The following GUCY1A1 variants were observed in gnomAD, a reference collection of about 807,000 sequenced individuals.
The protein encoded by GUCY1A1 is guanylate cyclase soluble subunit alpha-1.
Under a neutral mutation model 64.5 loss-of-function variants are expected in GUCY1A1, and 48 were observed. The observed-to-expected ratio is 0.74, with a 90% CI of 0.59 to 0.95. GUCY1A1 has a LOEUF of 0.95. Ranked by LOEUF, GUCY1A1 falls within the 40% of genes least tolerant of loss-of-function variation. GUCY1A1 has a pLI of 0.00. For synonymous variants in GUCY1A1, 308 were observed against 303.4 expected (o/e 1.02, Z -0.16); for missense variants, 804 against 825.3 (o/e 0.97, Z 0.32).
At chr4:155,697,268 C>T in intron 3 of GUCY1A1, 146 bp downstream of exon 3, 1 of 651,076 alleles carries the variant, frequency 1.5e-6, no homozygotes, top group Non-Finnish European at 2.7e-6. Flanking sequence ...TAAAAATATT[C>T]TTTTAAAGCA....
intron 2 of GUCY1A1, among the ~76,000 whole-genome samples, chr4:155,693,272 G>A (rs1467522726): frequency 2.0e-5 from 3 of 152,016 alleles, no homozygotes; most frequent in Non-Finnish European, 4.4e-5. Context: ...ATCAACTTTT[G>A]GAATGAGAAG....
rs1353947254 is a variant in GUCY1A1 at position 155,731,597 on chromosome 4, A to T, written c.*1366A>T. The stretch of plus-strand genomic sequence containing the variant: ...TTGAAGTTCTCTGGTGAACTAAAAA[A>T]TCTACATTTTGGTTGGGGATAAAGA... On this transcript the variant is annotated 3_prime_UTR_variant, in exon 10 of 10. Coordinates refer to ENST00000506455, the MANE Select transcript of GUCY1A1 (RefSeq NM_001130682.3). The T allele has an allele frequency of 6.6e-6, 1 of 151,866 alleles. No homozygotes were observed. The highest frequency in any genetic ancestry group is 1.5e-5 in the Non-Finnish European group (1 of 67,854). The allele number at this position is 151,866 out of a possible 1,614,324, so 9.4% of individuals were successfully genotyped here.
At chr4:155,677,961 A>G (rs999011602) in intron 2 of GUCY1A1, among the ~76,000 whole-genome samples, 1 of 152,050 alleles carries the variant, frequency 6.6e-6, no homozygotes, top group East Asian at 1.9e-4. Flanking sequence ...AAGTGGAATT[A>G]CTTCTTATGT....
At chr4:155,683,110 A>C (rs1736039405) in intron 2 of GUCY1A1, among the ~76,000 whole-genome samples, 1 of 152,184 alleles carries the variant, frequency 6.6e-6, no homozygotes, top group Non-Finnish European at 1.5e-5. Flanking sequence ...CAAAGTGCAA[A>C]AGGAGGATAG....
intron 8 of GUCY1A1, among the ~76,000 whole-genome samples, 200 bp downstream of exon 8, chr4:155,717,502 G>A (rs550313147): frequency 6.6e-6 from 1 of 152,128 alleles, no homozygotes; most frequent in Non-Finnish European, 1.5e-5. Flanking sequence ...CAGAATCATT[G>A]AGAGGACAGA....
At chr4:155,672,354 C>CGGTG (rs758713863) in intron 2 of GUCY1A1, among the ~76,000 whole-genome samples, 11 of 152,218 alleles carry the variant, frequency 7.2e-5, no homozygotes, top group South Asian at 2.1e-4. Flanking sequence ...TCCTAGACAC[C>CGGTG]GTCCTTTACG....
In GUCY1A1 at chr4:155,683,925, G is replaced by T; in HGVS notation, c.-112-12831G>T. Among the ~76,000 whole-genome samples the T allele has an allele frequency of 2.0e-5, 3 of 152,260 alleles. No homozygotes were observed. In the East Asian group the frequency reaches 5.8e-4, roughly 29 times the overall value. ...CTTCTCAGCATTTTCAGTAGAGGAG[G>T]TCATCAGGGTATATTGGGTGAACTC... On this transcript the variant is annotated intron_variant, in intron 2 of 9. Coordinates refer to ENST00000506455, the MANE Select transcript of GUCY1A1 (RefSeq NM_001130682.3).
chr4:155,721,755 C>A (rs1733980581), intron 8 of GUCY1A1, among the ~76,000 whole-genome samples: 1 of 151,958 alleles, frequency 6.6e-6, no homozygotes, highest in African/African-American at 2.4e-5. Context: ...TACTATGATC[C>A]CTGTGCATGG....
intron 2 of GUCY1A1, among the ~76,000 whole-genome samples, chr4:155,686,016 C>T (rs1409442244): frequency 6.6e-6 from 1 of 152,168 alleles, no homozygotes; most frequent in Non-Finnish European, 1.5e-5. Flanking sequence ...CCCAGAGTCA[C>T]TTCACTTTTG....
chr4:155,685,033 G>T (rs1398938748), intron 2 of GUCY1A1, among the ~76,000 whole-genome samples: 1 of 152,174 alleles, frequency 6.6e-6, no homozygotes, highest in Non-Finnish European at 1.5e-5. Flanking sequence ...AAAGCTCCTG[G>T]TTTCTCAAGG....
At chr4:155,721,158 G>A (rs1426913713) in intron 8 of GUCY1A1, among the ~76,000 whole-genome samples, 2 of 152,158 alleles carry the variant, frequency 1.3e-5, no homozygotes, top group Non-Finnish European at 2.9e-5. Flanking sequence ...TAGCTACTCA[G>A]GAGGCTGAGA....
Position 155,717,175 on chromosome 4 carries a change from A to G in GUCY1A1, c.1589A>G (p.Asp530Gly). The change falls in exon 8 of 10, where the codon GAT becomes GGT. Residue 530 changes from aspartate to glycine, a missense_variant. Transcript: ENST00000506455. ...TATGTCTAGGTGGAGACCATTGGCG[A>G]TGCCTATTGTGTAGCTGGGGGATTA... ...LDVYKVETIG[D>G]AYCVAGGLHK... 1.3e-6 allele frequency: 2 copies of G among 1,515,082 alleles called. No homozygotes were observed. 93.9% of individuals were successfully genotyped at this position (1,515,082 alleles called of 1,614,324 possible).
intron 4 of GUCY1A1, among the ~76,000 whole-genome samples, chr4:155,704,539 G>A (rs565682479): frequency 1.4e-5 from 2 of 139,706 alleles, no homozygotes; most frequent in East Asian, 3.9e-4. Context: ...AAGAGGAGGG[G>A]GACTCAGGGT....
chr4:155,712,451 T>G (rs1194289952), intron 6 of GUCY1A1, among the ~76,000 whole-genome samples: 1 of 152,208 alleles, frequency 6.6e-6, no homozygotes, highest in Non-Finnish European at 1.5e-5. Context: ...TTTTGGCTTT[T>G]TGCTGCAAGA....
chr4:155,680,948 T>TGCACACACACACACAC (rs2126603131), intron 2 of GUCY1A1, among the ~76,000 whole-genome samples: 1 of 111,098 alleles, frequency 9.0e-6, no homozygotes, highest in Non-Finnish European at 2.1e-5. Context: ...CACACACACA[T>TGCACACACACACACAC]GCACACACAC....
At chr4:155,692,739 A>C (rs967205198) in intron 2 of GUCY1A1, among the ~76,000 whole-genome samples, 1 of 152,172 alleles carries the variant, frequency 6.6e-6, no homozygotes, top group Non-Finnish European at 1.5e-5. Context: ...ATCTTGTTAC[A>C]TGTAGTAAAC....
chr4:155,707,847 TTTGAGACAG>T (rs1490159806), intron 4 of GUCY1A1, among the ~76,000 whole-genome samples: 1 of 151,596 alleles, frequency 6.6e-6, no homozygotes. Context: ...TTCTTTTTTT[TTTGAGACAG>T]TTTCCCTGTG....
At chr4:155,713,901 T>A (rs1732911450) in intron 7 of GUCY1A1, among the ~76,000 whole-genome samples, 1 of 152,012 alleles carries the variant, frequency 6.6e-6, no homozygotes, top group Admixed American at 6.5e-5. Context: ...ATAGGAGAAG[T>A]TTAATAGTGA....
At chr4:155,712,705 A>G (rs767069838) in intron 6 of GUCY1A1, among the ~76,000 whole-genome samples, 7 of 152,176 alleles carry the variant, frequency 4.6e-5, no homozygotes, top group Non-Finnish European at 1.0e-4. Context: ...AAAAAGTAAG[A>G]GGGAGGGAAG....
Sources: gnomAD v4.1 joint callset for allele counts (sites outside exome capture counted in the v4.1 genomes callset) on GRCh38, gnomAD v4.1.1 for gene constraint, MANE v1.5 for transcripts, NCBI Gene and HGNC (gene_info 2026-07-23, HGNC 2026-07-21) for gene names.